Variants in XKR4 observed in about 807,000 individuals in gnomAD.
The protein encoded by XKR4 is XK related 4, also known as XK-related protein 4.
A neutral mutation model predicts 53.9 loss-of-function variants in XKR4; 12 were observed. That is an observed-to-expected ratio of 0.22 (90% CI 0.14 to 0.36). The LOEUF (loss-of-function observed/expected upper bound fraction) is 0.36, where lower values mean the gene tolerates loss of function less well. XKR4 is among the 10% of genes least tolerant of loss of function. The pLI is 1.00. For missense variants in XKR4, 799 were observed against 859.5 expected, an observed-to-expected ratio of 0.93 and a Z score of 0.88; for synonymous variants, 354 against 362.4, an observed-to-expected ratio of 0.98 and a Z score of 0.26.
At chr8:55,480,845 T>C (rs994620200) in intron 2 of XKR4, among the ~76,000 whole-genome samples, 42 of 151,370 alleles carry the variant, frequency 2.8e-4, no homozygotes, top group African/African-American at 8.1e-4. Flanking sequence ...TTACAAGGGA[T>C]GTGAAGGACC....
intron 1 of XKR4, among the ~76,000 whole-genome samples, chr8:55,126,113 TAAAA>T (rs901556055): frequency 1.3e-5 from 2 of 151,470 alleles, no homozygotes; most frequent in African/African-American, 4.9e-5. Context: ...AATTAATTAA[TAAAA>T]GAAAGAAGGA....
At position 55,130,486 on chromosome 8, in the gene XKR4, G is replaced by A. The variant is rs111845934; in HGVS notation, c.806+27192G>A. Among the ~76,000 whole-genome samples, 203 of 152,316 alleles carry A rather than the reference G, an allele frequency of 1.3e-3. 1 individual carries two copies. Among genetic ancestry groups the A allele is most frequent in the African/African-American group, 4.8e-3 (198 of 41,576 alleles). On this transcript the variant is annotated intron_variant, in intron 1 of 2. Coordinates refer to ENST00000327381, the MANE Select transcript of XKR4 (RefSeq NM_052898.2). ...AGAGGAGGAAGGAGGGACAAGCAGG[G>A]AGCCATGCCCTGGAAGTCTTGTCAG...
At chr8:55,236,496 C>G (rs1818128610) in intron 1 of XKR4, among the ~76,000 whole-genome samples, 1 of 152,176 alleles carries the variant, frequency 6.6e-6, no homozygotes, top group African/African-American at 2.4e-5. Context: ...AGAGGAAAAA[C>G]AGTCAAGAGG....
At chr8:55,289,851 G>GGAAAGAAAGAAAGAAAGAAAGAAAGAAA in intron 1 of XKR4, among the ~76,000 whole-genome samples, 1 of 135,706 alleles carries the variant, frequency 7.4e-6, no homozygotes, top group African/African-American at 3.0e-5. Flanking sequence ...AAAGAAAGAA[G>GGAAAGAAAGAAAGAAAGAAAGAAAGAAA]GAAAGAAAGA....
At chr8:55,288,156 C>A (rs1462697921) in intron 1 of XKR4, among the ~76,000 whole-genome samples, 1 of 152,154 alleles carries the variant, frequency 6.6e-6, no homozygotes, top group Non-Finnish European at 1.5e-5. Flanking sequence ...TTGGATACCC[C>A]TAGAGTATGG....
At chr8:55,416,564 G>A (rs922996879) in intron 2 of XKR4, among the ~76,000 whole-genome samples, 3 of 152,160 alleles carry the variant, frequency 2.0e-5, no homozygotes, top group South Asian at 2.1e-4. Context: ...TAAGGTGATC[G>A]GAGGTGGATT....
At chr8:55,464,146 T>G (rs1805715565) in intron 2 of XKR4, among the ~76,000 whole-genome samples, 1 of 152,168 alleles carries the variant, frequency 6.6e-6, no homozygotes, top group Admixed American at 6.5e-5. Context: ...ATCATCCTGA[T>G]ACCAAAGCCT....
intron 1 of XKR4, among the ~76,000 whole-genome samples, chr8:55,239,297 T>C (rs985343491): frequency 1.3e-5 from 2 of 152,232 alleles, no homozygotes; most frequent in African/African-American, 4.8e-5. Flanking sequence ...TCACGGGTGA[T>C]AGCTCAAATT....
rs1807055302 is a variant in XKR4 at position 55,538,072 on chromosome 8, T to C, written c.*13845T>C. The C allele has an allele frequency of 6.6e-6, 1 of 152,194 alleles. No homozygotes were observed. Among genetic ancestry groups the C allele is most frequent in the African/African-American group, 2.4e-5 (1 of 41,448 alleles). 9.4% of individuals were successfully genotyped at this position (152,194 alleles called of 1,614,324 possible). A position where few individuals can be genotyped will look rare whatever the true frequency, so the allele number is the denominator to read the frequency against. On this transcript the variant is annotated 3_prime_UTR_variant, in exon 3 of 3. Coordinates refer to ENST00000327381, the MANE Select transcript of XKR4 (RefSeq NM_052898.2). ...TTGAATATAGTGACTGTCTTAAATA[T>C]ACTTAAATATGTTATTCTACAAAAC...
intron 2 of XKR4, among the ~76,000 whole-genome samples, chr8:55,414,463 T>C (rs914499419): frequency 2.0e-5 from 3 of 150,854 alleles, no homozygotes; most frequent in Non-Finnish European, 4.4e-5. Context: ...TTGTTTCATA[T>C]GTAATAGATT....
intron 2 of XKR4, among the ~76,000 whole-genome samples, chr8:55,406,410 G>C (rs1471197088): frequency 1.3e-5 from 2 of 152,192 alleles, no homozygotes; most frequent in African/African-American, 4.8e-5. Context: ...GGTAGATGCT[G>C]TCACCATCTC....
chr8:55,139,526 A>AG (rs1449652815), intron 1 of XKR4, among the ~76,000 whole-genome samples: 1 of 151,642 alleles, frequency 6.6e-6, no homozygotes, highest in Non-Finnish European at 1.5e-5. Flanking sequence ...AAAAAAAAAA[A>AG]AGAGTGCTGG....
intron 2 of XKR4, among the ~76,000 whole-genome samples, chr8:55,392,562 G>A (rs185773825): frequency 7.0e-4 from 107 of 152,266 alleles, no homozygotes; most frequent in African/African-American, 2.6e-3. Context: ...AGGCTGAGGC[G>A]GGTAGATTGC....
At chr8:55,468,815 G>A (rs1271574053) in intron 2 of XKR4, among the ~76,000 whole-genome samples, 1 of 152,204 alleles carries the variant, frequency 6.6e-6, no homozygotes, top group South Asian at 2.1e-4. Flanking sequence ...GAGGTTTTCT[G>A]CTTATATTCT....
chr8:55,257,145 T>G (rs1281127737), intron 1 of XKR4, among the ~76,000 whole-genome samples: 1 of 152,184 alleles, frequency 6.6e-6, no homozygotes. Context: ...ATTCAGACCA[T>G]GCACACAGCT....
At chr8:55,407,907 C>T (rs895240328) in intron 2 of XKR4, among the ~76,000 whole-genome samples, 2 of 152,078 alleles carry the variant, frequency 1.3e-5, no homozygotes, top group Non-Finnish European at 2.9e-5. Flanking sequence ...CAAAGAAAGG[C>T]CTTAAAGAGA....
chr8:55,262,766 A>G (rs182139213), intron 1 of XKR4, among the ~76,000 whole-genome samples: 51 of 152,302 alleles, frequency 3.3e-4, no homozygotes, highest in Non-Finnish European at 5.9e-4. Flanking sequence ...TGACAGTGGT[A>G]GAGCTGGCAT....
intron 1 of XKR4, among the ~76,000 whole-genome samples, chr8:55,342,949 C>T (rs1218882865): frequency 1.3e-5 from 2 of 151,218 alleles, no homozygotes; most frequent in African/African-American, 2.4e-5. Context: ...AGGTGCTCAA[C>T]AAATACTTGT....
At chr8:55,459,776 G>T (rs568167215) in intron 2 of XKR4, among the ~76,000 whole-genome samples, 9 of 152,256 alleles carry the variant, frequency 5.9e-5, no homozygotes, top group African/African-American at 2.2e-4. Flanking sequence ...AATACCAGGT[G>T]TTGGCATGAA....
Sources: allele counts gnomAD v4.1 joint callset (sites outside exome capture counted in the v4.1 genomes callset), GRCh38; gene constraint gnomAD v4.1.1; transcripts MANE v1.5; gene names NCBI Gene and HGNC (gene_info 2026-07-23, HGNC 2026-07-21).